Variants in TSPAN9 observed in about 807,000 individuals in gnomAD.
TSPAN9 encodes the protein tetraspanin 9.
Under a neutral mutation model 31.0 loss-of-function variants are expected in TSPAN9, and 16 were observed. That is an observed-to-expected ratio of 0.52 (90% CI 0.35 to 0.78). The LOEUF is 0.78. TSPAN9 is among the 30% of genes least tolerant of loss of function. TSPAN9 has a pLI of 0.01. For synonymous variants in TSPAN9, 145 were observed against 121.6 expected (o/e 1.19, Z -1.27); for missense variants, 272 against 312.5 (o/e 0.87, Z 0.98).
intron 3 of TSPAN9, among the ~76,000 whole-genome samples, chr12:3,234,375 A>G (rs894517492): frequency 6.6e-6 from 1 of 152,170 alleles, no homozygotes; most frequent in Non-Finnish European, 1.5e-5. Flanking sequence ...AGTTGAGACT[A>G]TGGCCTTGAG....
chr12:3,134,858 G>C (rs2098331363), intron 2 of TSPAN9, among the ~76,000 whole-genome samples: 1 of 152,158 alleles, frequency 6.6e-6, no homozygotes, highest in Non-Finnish European at 1.5e-5. Flanking sequence ...ATGGCGTGCA[G>C]CGTGGAAGAG....
At chr12:3,099,202 C>CCGA (rs1555140804) in intron 2 of TSPAN9, among the ~76,000 whole-genome samples, 1 of 89,268 alleles carries the variant, frequency 1.1e-5, no homozygotes, top group Non-Finnish European at 2.3e-5. Flanking sequence ...CTGTAGGTTG[C>CCGA]TGATGTTATT....
intron 3 of TSPAN9, among the ~76,000 whole-genome samples, chr12:3,249,224 A>G (rs1862200407): frequency 6.6e-6 from 1 of 152,142 alleles, no homozygotes; most frequent in Admixed American, 6.5e-5. Context: ...TCCAGCTGCG[A>G]GTCTTTCTCA....
intron 3 of TSPAN9, among the ~76,000 whole-genome samples, chr12:3,258,389 T>C (rs1862388101): frequency 6.6e-6 from 1 of 152,132 alleles, no homozygotes; most frequent in Admixed American, 6.5e-5. Context: ...CAGAATCACC[T>C]TGGTGTCCTC....
intron 3 of TSPAN9, among the ~76,000 whole-genome samples, chr12:3,251,737 G>A (rs989659358): frequency 6.6e-6 from 1 of 152,200 alleles, no homozygotes; most frequent in South Asian, 2.1e-4. Context: ...TCCTCTGACT[G>A]TTGGCACCAG....
At chr12:3,208,884 T>G (rs1423136402) in intron 3 of TSPAN9, among the ~76,000 whole-genome samples, 2 of 152,162 alleles carry the variant, frequency 1.3e-5, no homozygotes, top group African/African-American at 2.4e-5. Context: ...ACGGCATCAT[T>G]TAGTTTGACT....
At position 3,165,553 on chromosome 12, in the gene TSPAN9, G is replaced by A. The variant is rs190093395; in HGVS notation, c.-17-35624G>A. On this transcript the variant is annotated intron_variant, in intron 2 of 8. Coordinates refer to ENST00000011898, the MANE Select transcript of TSPAN9 (RefSeq NM_006675.5). ...GTGAGTGAGTTCTGTTGCTGCCGCC[G>A]TACTGCAAGGCGAGGGTCACGGAGT... Among the ~76,000 whole-genome samples, 159 of 152,250 alleles carry A rather than the reference G, an allele frequency of 1.0e-3. 1 individual carries two copies. Among genetic ancestry groups the A allele is most frequent in the East Asian group, 1.7e-3 (9 of 5,170 alleles).
chr12:3,095,781 G>A (rs975958765), intron 2 of TSPAN9, among the ~76,000 whole-genome samples: 1 of 148,698 alleles, frequency 6.7e-6, no homozygotes, highest in Non-Finnish European at 1.5e-5. Context: ...ATGTGATGGC[G>A]GCTGGGAAGA....
At chr12:3,112,676 C>CTTTTTTTTTTTTTTTT (rs765040711) in intron 2 of TSPAN9, among the ~76,000 whole-genome samples, 13 of 88,500 alleles carry the variant, frequency 1.5e-4, no homozygotes, top group South Asian at 4.0e-4. Context: ...TTTATTTTTG[C>CTTTTTTTTTTTTTTTT]TTTTTTTTTT....
At chr12:3,149,541 C>T (rs1467766995) in intron 2 of TSPAN9, among the ~76,000 whole-genome samples, 1 of 152,208 alleles carries the variant, frequency 6.6e-6, no homozygotes, top group Non-Finnish European at 1.5e-5. Context: ...AATGGAGAAG[C>T]ATTGCCACCT....
intron 2 of TSPAN9, among the ~76,000 whole-genome samples, chr12:3,183,660 G>T (rs966569787): frequency 6.6e-6 from 1 of 152,162 alleles, no homozygotes; most frequent in Non-Finnish European, 1.5e-5. Flanking sequence ...AGGCCAGAGT[G>T]GGCCCCAGAA....
chr12:3,163,563 A>G (rs1159887148), intron 2 of TSPAN9, among the ~76,000 whole-genome samples: 2 of 152,274 alleles, frequency 1.3e-5, no homozygotes, highest in African/African-American at 4.8e-5. Flanking sequence ...TGGGTCACAC[A>G]TCGTTGGTGC....
rs546641843 is a variant in TSPAN9, at chr12:3,237,019, G to C, written c.63+35763G>C. Among the ~76,000 whole-genome samples, 8 of 152,298 alleles carry C rather than the reference G, an allele frequency of 5.3e-5. No individual in the cohort carries two copies. In the South Asian group the frequency reaches 1.7e-3, roughly 32 times the overall value. On this transcript the variant is annotated intron_variant, in intron 3 of 8. Transcript: ENST00000011898. ...CAGCAGCCAAGGCAGTGAGCAGTGC[G>C]GTGTGAGGATTTGTGGGAGGGGCCA... is the stretch of plus-strand genomic sequence containing the variant.
intron 8 of TSPAN9, 53 bp downstream of exon 8, chr12:3,281,870 AG>A (rs1446300006): frequency 6.3e-7 from 1 of 1,582,468 alleles, no homozygotes; most frequent in African/African-American, 1.3e-5. Flanking sequence ...TCAGCCTCAG[AG>A]GGAAGGAAGC....
intron 3 of TSPAN9, among the ~76,000 whole-genome samples, chr12:3,268,364 C>T (rs1397512844): frequency 5.3e-5 from 7 of 132,314 alleles, no homozygotes; most frequent in Admixed American, 1.5e-4. Context: ...CTGCAGCCTG[C>T]CCTCTCTGTG....
intron 3 of TSPAN9, among the ~76,000 whole-genome samples, chr12:3,244,445 C>T (rs991447414): frequency 6.6e-6 from 1 of 152,240 alleles, no homozygotes; most frequent in Non-Finnish European, 1.5e-5. Flanking sequence ...CTGCCAGCCG[C>T]AGCCCTGGAG....
At chr12:3,146,277 TGGA>T (rs1227822072) in intron 2 of TSPAN9, among the ~76,000 whole-genome samples, 1 of 152,172 alleles carries the variant, frequency 6.6e-6, no homozygotes, top group African/African-American at 2.4e-5. Context: ...TGGAGCCCGT[TGGA>T]GGAGGACAGC....
chr12:3,135,919 C>T (rs1480311275), intron 2 of TSPAN9, among the ~76,000 whole-genome samples: 2 of 152,180 alleles, frequency 1.3e-5, no homozygotes, highest in African/African-American at 4.8e-5. Context: ...TAGTAGAGTT[C>T]CCACCATTGG....
intron 2 of TSPAN9, among the ~76,000 whole-genome samples, chr12:3,119,853 G>A (rs1377489097): frequency 1.3e-5 from 2 of 152,192 alleles, no homozygotes; most frequent in East Asian, 3.9e-4. Context: ...TAGGGCAGGA[G>A]GGGAAGTACG....
Sources: allele counts gnomAD v4.1 joint callset (sites outside exome capture counted in the v4.1 genomes callset), GRCh38; gene constraint gnomAD v4.1.1; transcripts MANE v1.5; gene names NCBI Gene and HGNC (gene_info 2026-07-23, HGNC 2026-07-21).